GNG7: variants seen among roughly 807,000 people sequenced by gnomAD.
GNG7 encodes G protein subunit gamma 7, also known as guanine nucleotide-binding protein G(I)/G(S)/G(O) subunit gamma-7.
Under a neutral mutation model 4.0 loss-of-function variants are expected in GNG7, and 1 was observed. The observed-to-expected ratio is 0.25, with a 90% CI of 0.09 to 1.18. The LOEUF is 1.18. Among genes scored for constraint, GNG7 ranks in the 50% most tolerant of loss-of-function variants. The pLI is 0.50. For synonymous variants in GNG7, 34 were observed against 36.9 expected, an observed-to-expected ratio of 0.92 and a Z score of 0.29; for missense variants, 86 against 91.9, an observed-to-expected ratio of 0.94 and a Z score of 0.26.
intron 3 of GNG7, among the ~76,000 whole-genome samples, chr19:2,542,881 C>CTTTT (rs60152060): frequency 2.5e-5 from 3 of 118,336 alleles, no homozygotes; most frequent in African/African-American, 3.3e-5. Flanking sequence ...TGCTGTTTTC[C>CTTTT]TTTTTTTTTT....
At chr19:2,696,298 G>GAA (rs1308744084) in intron 1 of GNG7, among the ~76,000 whole-genome samples, 2 of 90,912 alleles carry the variant, frequency 2.2e-5, no homozygotes, top group Non-Finnish European at 4.6e-5. Context: ...GAGAGAGAAA[G>GAA]AAAGAAAGAA....
At chr19:2,616,402 G>A (rs1241347842) in intron 2 of GNG7, among the ~76,000 whole-genome samples, 1 of 151,972 alleles carries the variant, frequency 6.6e-6, no homozygotes, top group African/African-American at 2.4e-5. Context: ...GTGCCACCGT[G>A]CCCAGCTAAT....
Position 2,630,529 on chromosome 19 carries a change from G to GC in GNG7, c.-78+15694dup, listed in dbSNP as rs550179404. ...GAAGCATGAGGGGCCTATGGAGAAG[G>GC]CCAAGTGGCCTGAGAGTGGCCTCAA... is the stretch of plus-strand genomic sequence containing the variant. On this transcript the variant is annotated intron_variant, in intron 2 of 4. Coordinates refer to ENST00000382159, the MANE Select transcript of GNG7 (RefSeq NM_052847.3). Among the ~76,000 whole-genome samples the GC allele has an allele frequency of 1.4e-3, 211 of 152,136 alleles. 1 individual carries two copies. The highest frequency in any genetic ancestry group is 4.9e-3 in the African/African-American group (203 of 41,512).
chr19:2,558,050 C>G (rs562068347), intron 2 of GNG7, among the ~76,000 whole-genome samples: 1 of 151,982 alleles, frequency 6.6e-6, no homozygotes, highest in Non-Finnish European at 1.5e-5. Flanking sequence ...ACCGTGTTAG[C>G]CAGGATGGCC....
intron 1 of GNG7, among the ~76,000 whole-genome samples, chr19:2,651,509 C>CTCTCTCTTTTCTT (rs1317632564): frequency 2.8e-5 from 4 of 144,834 alleles, no homozygotes; most frequent in African/African-American, 5.1e-5. Context: ...CTTCCTTTGT[C>CTCTCTCTTTTCTT]TCTCTCTTTC....
intron 1 of GNG7, among the ~76,000 whole-genome samples, chr19:2,665,672 C>T (rs530578762): frequency 7.2e-5 from 11 of 152,200 alleles, no homozygotes; most frequent in South Asian, 4.1e-4. Flanking sequence ...CAGTCCCTTG[C>T]CACTGTCGCT....
intron 2 of GNG7, among the ~76,000 whole-genome samples, chr19:2,645,795 T>C (rs558318440): frequency 6.6e-6 from 1 of 152,316 alleles, no homozygotes; most frequent in Admixed American, 6.5e-5. Context: ...CCACTCATGA[T>C]TCTCTAGGGA....
intron 2 of GNG7, among the ~76,000 whole-genome samples, chr19:2,576,487 T>C (rs1006625842): frequency 1.3e-5 from 2 of 152,222 alleles, no homozygotes; most frequent in East Asian, 3.8e-4. Flanking sequence ...CCCTCACACG[T>C]CTGGGAAACC....
At chr19:2,519,310 C>G (rs1317971791) in intron 4 of GNG7, among the ~76,000 whole-genome samples, 2 of 151,114 alleles carry the variant, frequency 1.3e-5, no homozygotes, top group African/African-American at 2.4e-5. Flanking sequence ...ACCACCATAC[C>G]CGGGTAATCT....
intron 1 of GNG7, among the ~76,000 whole-genome samples, 159 bp from the exon 2 acceptor site, chr19:2,646,439 G>C (rs548081206): frequency 6.6e-6 from 1 of 152,216 alleles, no homozygotes; most frequent in Non-Finnish European, 1.5e-5. Context: ...TGTAATCCCA[G>C]CACTTTGGGA....
At chr19:2,658,732 C>T (rs1983060967) in intron 1 of GNG7, among the ~76,000 whole-genome samples, 1 of 151,640 alleles carries the variant, frequency 6.6e-6, no homozygotes, top group African/African-American at 2.4e-5. Flanking sequence ...CAAATGTAAA[C>T]TGTAGCTGTT....
chr19:2,694,820 T>TCACAACTGGAGGTGC (rs1438565043), intron 1 of GNG7, among the ~76,000 whole-genome samples: 39 of 150,498 alleles, frequency 2.6e-4, no homozygotes, highest in Admixed American at 1.3e-4. Context: ...TCTGTGGTTG[T>TCACAACTGGAGGTGC]CACAACTGGA....
intron 1 of GNG7, among the ~76,000 whole-genome samples, chr19:2,688,769 A>G (rs1913063405): frequency 6.6e-6 from 1 of 152,066 alleles, no homozygotes; most frequent in South Asian, 2.1e-4. Context: ...AGTTGAGAGA[A>G]ATGAACCCAT....
intron 2 of GNG7, among the ~76,000 whole-genome samples, chr19:2,635,825 C>A (rs193232551): frequency 6.6e-6 from 1 of 152,074 alleles, no homozygotes; most frequent in Non-Finnish European, 1.5e-5. Flanking sequence ...TCAAGTGATC[C>A]GCCCACCTCA....
intron 1 of GNG7, among the ~76,000 whole-genome samples, chr19:2,700,210 T>C (rs56179804): frequency 0.14 from 21,090 of 151,402 alleles, 3,737 homozygotes; most frequent in African/African-American, 0.42. Flanking sequence ...GGCGTGATCT[T>C]GGCTCACTGC....
chr19:2,661,789 C>T (rs905754988), intron 1 of GNG7, among the ~76,000 whole-genome samples: 1 of 152,112 alleles, frequency 6.6e-6, no homozygotes, highest in Non-Finnish European at 1.5e-5. Flanking sequence ...CCTCCACCAA[C>T]AGCCACATGA....
Position 2,546,561 on chromosome 19 carries a change from T to G in GNG7, c.-38+8588A>C, listed in dbSNP as rs1401974004. The stretch of plus-strand genomic sequence containing the variant: ...AAATCGGTCCCCGGGGCAGCTATAT[T>G]TAGAAGGGGCTAAAGAGAGGGAATG... On this transcript the variant is annotated intron_variant, in intron 3 of 4. Coordinates refer to ENST00000382159, the MANE Select transcript of GNG7 (RefSeq NM_052847.3). This position sits in a 1 kb window ranked among gnomAD's most constrained non-coding sequence, Gnocchi z 6.3. 6.6e-6 allele frequency among the ~76,000 whole-genome samples: 1 copy of G among 152,016 alleles called. No homozygotes were observed. The highest frequency in any genetic ancestry group is 1.9e-4 in the East Asian group (1 of 5,174).
At chr19:2,665,369 G>A (rs1005732834) in intron 1 of GNG7, among the ~76,000 whole-genome samples, 7 of 151,976 alleles carry the variant, frequency 4.6e-5, no homozygotes, top group African/African-American at 1.7e-4. Context: ...CCTGGGGGGG[G>A]GGGGGCAGGA....
At chr19:2,528,713 A>G (rs1978492816) in intron 3 of GNG7, among the ~76,000 whole-genome samples, 1 of 152,118 alleles carries the variant, frequency 6.6e-6, no homozygotes, top group South Asian at 2.1e-4. Flanking sequence ...CCCTTGCTCT[A>G]CCAAGCTGTG....
Sources: allele counts gnomAD v4.1 joint callset (sites outside exome capture counted in the v4.1 genomes callset), GRCh38; gene constraint gnomAD v4.1.1; non-coding constraint Gnocchi (gnomAD v3.1); transcripts MANE v1.5; gene names NCBI Gene and HGNC (gene_info 2026-07-23, HGNC 2026-07-21).